The following DLGAP5 variants were observed in gnomAD, a reference collection of about 807,000 sequenced individuals.
DLGAP5 encodes the protein disks large-associated protein 5.
DLGAP5 carries 90 observed loss-of-function variants against 99.6 expected under a neutral mutation model. The ratio of observed to expected loss-of-function variants is 0.90; its 90% CI spans 0.76 to 1.08. The LOEUF is 1.08. Ranked by LOEUF, DLGAP5 falls within the 50% of genes least tolerant of loss-of-function variation. The pLI is 0.00. For missense variants in DLGAP5, 1,036 were observed against 983.5 expected (o/e 1.05, Z -0.71); for synonymous variants, 311 against 321.3 (o/e 0.97, Z 0.34).
chr14:55,189,598 C>T (rs1408252657), intron 1 of DLGAP5, among the ~76,000 whole-genome samples: 1 of 152,102 alleles, frequency 6.6e-6, no homozygotes, highest in Non-Finnish European at 1.5e-5. Context: ...CAAAAACAAA[C>T]AAAAACCCCA....
intron 10 of DLGAP5, among the ~76,000 whole-genome samples, chr14:55,172,019 C>T (rs1389470968): frequency 3.3e-5 from 5 of 152,108 alleles, no homozygotes; most frequent in African/African-American, 9.6e-5. Context: ...CCTACCACCA[C>T]GCCCAGATAA....
chr14:55,153,410 A>T (rs918304936), intron 15 of DLGAP5, among the ~76,000 whole-genome samples: 1 of 151,642 alleles, frequency 6.6e-6, no homozygotes, highest in Non-Finnish European at 1.5e-5. Context: ...GCGTGGTGAC[A>T]TGCGCCTGTA....
intron 14 of DLGAP5, among the ~76,000 whole-genome samples, chr14:55,156,001 G>C (rs1389839733): frequency 6.6e-6 from 1 of 152,016 alleles, no homozygotes; most frequent in East Asian, 1.9e-4. Flanking sequence ...TGAGGTAGGA[G>C]AATGGCGTGA....
Position 55,191,580 on chromosome 14 carries a change from A to T in DLGAP5, c.-119T>A, listed in dbSNP as rs1450993011. On this transcript the variant is annotated 5_prime_UTR_variant, in exon 1 of 19. Transcript: ENST00000247191. The stretch of plus-strand genomic sequence containing the variant: ...CACAACCCGAGCCTCCACGAAATTC[A>T]AACTTGCCGCACCGAGCCGCTGATT... 1 of 152,740 alleles carries T rather than the reference A, an allele frequency of 6.5e-6. No individual in the cohort carries two copies. Among genetic ancestry groups the T allele is most frequent in the Non-Finnish European group, 1.5e-5 (1 of 68,110 alleles). 9.5% of individuals were successfully genotyped at this position (152,740 alleles called of 1,614,324 possible).
chr14:55,161,680 G>A (rs1882441731), intron 13 of DLGAP5, among the ~76,000 whole-genome samples: 1 of 150,826 alleles, frequency 6.6e-6, no homozygotes. Context: ...AAAGTGCTGG[G>A]ATTATAGACG....
chr14:55,170,754 A>C lies in DLGAP5; in HGVS notation c.1335T>G (p.Thr445=). ...TCCTGTCCCACTCGAAGCAATGTGA[A>C]GTTAATTTCTCAGTTTCTGACTGGA... ...NILQSETEKL[T]SHCFEWDRKL... Residue 445 remains threonine, a synonymous_variant, in exon 11 of 19, where the codon ACT becomes ACG. Transcript: ENST00000247191. 6.2e-7 allele frequency: 1 copy of C among 1,613,744 alleles called. No individual in the cohort carries two copies. The highest frequency in any genetic ancestry group is 8.5e-7 in the Non-Finnish European group (1 of 1,179,754).
Position 55,179,780 on chromosome 14 carries a change from G to A in DLGAP5, c.704-81C>T, listed in dbSNP as rs1298904426. On this transcript the variant is annotated intron_variant, in intron 6 of 18. Transcript: ENST00000247191. Reference sequence around the variant, plus strand: ...TAGGTAACTTGGGAAAGGAAAAGAAGCAACAGTAGGAATATATGTCTTGAA... The same window carrying A: ...TAGGTAACTTGGGAAAGGAAAAGAAACAACAGTAGGAATATATGTCTTGAA... 3 of 1,126,666 alleles carry A rather than the reference G, an allele frequency of 2.7e-6. No individual in the cohort carries two copies. In the East Asian group the frequency reaches 7.6e-5, roughly 28 times the overall value. 69.8% of individuals were successfully genotyped at this position (1,126,666 alleles called of 1,614,324 possible).
At chr14:55,154,342 C>A (rs557419426) in intron 15 of DLGAP5, among the ~76,000 whole-genome samples, 2 of 152,118 alleles carry the variant, frequency 1.3e-5, no homozygotes, top group African/African-American at 2.4e-5. Context: ...CTGTTGAGCA[C>A]CAAAGTTGTA....
chr14:55,148,628 A>G, intron 18 of DLGAP5, 155 bp from the exon 19 acceptor site: 1 of 1,508,918 alleles, frequency 6.6e-7, no homozygotes, highest in Non-Finnish European at 8.9e-7. Context: ...CTGAGGTGGT[A>G]GGATCACTTG....
chr14:55,152,063 G>A, intron 16 of DLGAP5, 122 bp from the exon 17 acceptor site: 1 of 889,040 alleles, frequency 1.1e-6, no homozygotes, highest in Non-Finnish European at 1.7e-6. Flanking sequence ...ACAGTCTTAA[G>A]AACATTATAA....
At chr14:55,157,341 G>A (rs1207407322) in intron 14 of DLGAP5, among the ~76,000 whole-genome samples, 1 of 152,196 alleles carries the variant, frequency 6.6e-6, no homozygotes, top group East Asian at 1.9e-4. Flanking sequence ...GTTATTAGCA[G>A]TAGTGGGAGA....
chr14:55,180,817 T>G, intron 5 of DLGAP5, 39 bp from the exon 6 acceptor site: 1 of 1,611,110 alleles, frequency 6.2e-7, no homozygotes, highest in Non-Finnish European at 8.5e-7. Context: ...ATGTCCCTTG[T>G]AGTTATGAAA....
At chr14:55,184,368 T>G (rs972844675) in intron 2 of DLGAP5, among the ~76,000 whole-genome samples, 2 of 152,246 alleles carry the variant, frequency 1.3e-5, no homozygotes, top group Non-Finnish European at 2.9e-5. Flanking sequence ...CCCTAGTCTT[T>G]TAAAATTTGT....
chr14:55,170,849 G>C, intron 10 of DLGAP5, 62 bp from the exon 11 acceptor site: 1 of 1,181,924 alleles, frequency 8.5e-7, no homozygotes. Flanking sequence ...CTAAGTATTA[G>C]CATAACATCA....
At chr14:55,188,779 TAAAAAAAAAA>T (rs397852487) in intron 2 of DLGAP5, among the ~76,000 whole-genome samples, 153 bp downstream of exon 2, 5 of 116,246 alleles carry the variant, frequency 4.3e-5, no homozygotes, top group African/African-American at 1.3e-4. Flanking sequence ...TCTTGTAATT[TAAAAAAAAAA>T]AAAAAAAAAA....
chr14:55,161,408 A>AAATT (rs1555328155), intron 13 of DLGAP5, among the ~76,000 whole-genome samples: 29 of 115,894 alleles, frequency 2.5e-4, no homozygotes, highest in Non-Finnish European at 3.6e-4. Context: ...TAAAAAAAAA[A>AAATT]TTTTTTTTTT....
Position 55,177,290 on chromosome 14 carries a change from T to G in DLGAP5, c.821A>C (p.Gln274Pro). The G allele has an allele frequency of 1.9e-6, 3 of 1,609,154 alleles. No individual in the cohort carries two copies. Among genetic ancestry groups the G allele is most frequent in the Non-Finnish European group, 1.7e-6 (2 of 1,178,578 alleles). The change falls in exon 8 of 19, where the codon CAA (glutamine) becomes CCA (proline). Residue 274 changes from glutamine to proline, a missense_variant. Coordinates refer to ENST00000247191, the MANE Select transcript of DLGAP5 (RefSeq NM_014750.5). Reference sequence around the variant, plus strand: ...ATTCATTCCACTTGTTGCATTAGTTTGTGAATTCAAAGTATTTTCTTCACT... The same window carrying G: ...ATTCATTCCACTTGTTGCATTAGTTGGTGAATTCAAAGTATTTTCTTCACT... ...VDSEENTLNS[Q>P]TNATSGMNPD...
In DLGAP5 at chr14:55,179,801, T is replaced by A; in HGVS notation, c.704-102A>T. The A allele has an allele frequency of 3.4e-6, 3 of 883,860 alleles. No individual in the cohort carries two copies. The South Asian group carries it at 5.3e-5, about 16-fold the overall frequency. 54.8% of individuals were successfully genotyped at this position (883,860 alleles called of 1,614,324 possible). ...AGAAGCAACAGTAGGAATATATGTC[T>A]TGAAGGATTTTTTTATTAAAAGCCA... On this transcript the variant is annotated intron_variant, in intron 6 of 18. Transcript: ENST00000247191.
intron 12 of DLGAP5, among the ~76,000 whole-genome samples, chr14:55,166,694 A>G (rs1001107846): frequency 5.3e-5 from 8 of 151,628 alleles, no homozygotes; most frequent in Non-Finnish European, 1.0e-4. Flanking sequence ...GTGCCATTGC[A>G]CTCCAGTCTG....
Sources: gnomAD v4.1 joint callset for allele counts (sites outside exome capture counted in the v4.1 genomes callset) on GRCh38, gnomAD v4.1.1 for gene constraint, MANE v1.5 for transcripts, NCBI Gene and HGNC (gene_info 2026-07-23, HGNC 2026-07-21) for gene names.